The following PDE4C variants were observed in gnomAD, a reference collection of about 807,000 sequenced individuals.
The protein encoded by PDE4C is phosphodiesterase 4C.
PDE4C carries 50 observed loss-of-function variants against 63.9 expected under a neutral mutation model. The observed-to-expected ratio is 0.78, with a 90% CI of 0.62 to 0.99. PDE4C has a LOEUF of 0.99. PDE4C is among the 50% of genes least tolerant of loss of function. The pLI, the probability that PDE4C is intolerant of heterozygous loss-of-function variation, is 0.00. For synonymous variants in PDE4C, 377 were observed against 385.1 expected (o/e 0.98, Z 0.25); for missense variants, 777 against 899.1 (o/e 0.86, Z 1.74).
intron 1 of PDE4C, 41 bp downstream of exon 1, chr19:18,226,229 G>A (rs1317827968): frequency 6.7e-7 from 1 of 1,497,660 alleles, no homozygotes; most frequent in Non-Finnish European, 9.0e-7. Context: ...CTCCACACCG[G>A]GCGTCCCGGT....
chr19:18,219,412 G>A lies in PDE4C; in HGVS notation c.707-15C>T, dbSNP rs200260009. On this transcript the variant is annotated splice_polypyrimidine_tract_variant and intron_variant, in intron 7 of 14. Coordinates refer to ENST00000262805, the Ensembl canonical transcript of PDE4C. ...GGTCTGCTGGTCTGCGGATGGGCCA[G>A]GGTGAAGCTCAGAGAAGCCGATTTC... is the stretch of plus-strand genomic sequence containing the variant. 3.2e-4 allele frequency: 498 copies of A among 1,578,086 alleles called. 1 individual carries two copies. The highest frequency in any genetic ancestry group is 1.2e-4 in the African/African-American group (9 of 74,134).
At chr19:18,239,676 A>G (rs1969006819) in intron 1 of PDE4C, among the ~76,000 whole-genome samples, 1 of 152,072 alleles carries the variant, frequency 6.6e-6, no homozygotes, top group Admixed American at 6.6e-5. Flanking sequence ...GTCTTCCCCT[A>G]CTGTCCTCCT....
chr19:18,215,093 T>C (rs373419952), intron 12 of PDE4C, among the ~76,000 whole-genome samples: 17 of 152,226 alleles, frequency 1.1e-4, no homozygotes, highest in African/African-American at 3.1e-4. Context: ...CCAAATGCTG[T>C]CTCCCCACCC....
At chr19:18,224,263 C>A in intron 1 of PDE4C, 3 of 985,494 alleles carry the variant, frequency 3.0e-6, no homozygotes, top group Non-Finnish European at 3.6e-6. Flanking sequence ...GAAGGGCAGG[C>A]GGAAGCGGCA....
intron 1 of PDE4C, among the ~76,000 whole-genome samples, chr19:18,231,557 G>A (rs1968848147): frequency 6.6e-6 from 1 of 152,162 alleles, no homozygotes; most frequent in Non-Finnish European, 1.5e-5. Flanking sequence ...CAGGCTGGGG[G>A]CGAGAGGCCA....
chr19:18,247,146 CT>C (rs1262583119), intron 1 of PDE4C, among the ~76,000 whole-genome samples: 1 of 152,232 alleles, frequency 6.6e-6, no homozygotes, highest in East Asian at 1.9e-4. Context: ...GAGTCAAAAC[CT>C]TGTGTCCAGG....
chr19:18,218,164 A>G (rs1174232544), exon 11 of PDE4C: 1 of 1,613,782 alleles, frequency 6.2e-7, no homozygotes, highest in Admixed American at 1.7e-5. Context: ...TTAATCAGAA[A>G]CTGGTTGGAG....
chr19:18,222,657 TTCTCTC>T (rs138832810), intron 1 of PDE4C, among the ~76,000 whole-genome samples: 1,064 of 82,398 alleles, frequency 0.013, 31 homozygotes, highest in Admixed American at 0.058. Flanking sequence ...TTCTCGTTCT[TTCTCTC>T]TCTCTCTCTC....
At chr19:18,251,940 CAG>C (rs568336192), upstream of PDE4C, 18 of 397,126 alleles carry the variant, frequency 4.5e-5, no homozygotes, top group Middle Eastern at 6.3e-4. Flanking sequence ...GACAATGGAG[CAG>C]AGACAAGAAG....
intron 1 of PDE4C, among the ~76,000 whole-genome samples, chr19:18,240,994 A>G (rs955388886): frequency 6.6e-6 from 1 of 152,086 alleles, no homozygotes; most frequent in African/African-American, 2.4e-5. Flanking sequence ...CCACGCTCAG[A>G]TCTCATCCTT....
chr19:18,251,676 A>ACCCCCCCCCCCCCCCCCCC (rs1969230557), upstream of PDE4C, among the ~76,000 whole-genome samples: 1 of 23,568 alleles, frequency 4.2e-5, no homozygotes, highest in African/African-American at 1.1e-4. Flanking sequence ...CTCGTGATAC[A>ACCCCCCCCCCCCCCCCCCC]CGCCCCCCCC....
chr19:18,216,322 G>A (rs1214918888), intron 12 of PDE4C, among the ~76,000 whole-genome samples: 3 of 149,904 alleles, frequency 2.0e-5, no homozygotes, highest in East Asian at 2.0e-4. Flanking sequence ...GCAGTGGTGC[G>A]ATCTCAGCTC....
intron 12 of PDE4C, among the ~76,000 whole-genome samples, chr19:18,213,698 G>T (rs1466640736): frequency 1.3e-5 from 2 of 152,364 alleles, no homozygotes; most frequent in South Asian, 2.1e-4. Flanking sequence ...GGTCATCTGG[G>T]TTGGCCATGA....
rs769710762 is a variant in PDE4C, at chr19:18,210,951, G to A, written c.2021C>T (p.Pro674Leu). The change falls in exon 15 of 15, where the codon CCC becomes CTC. Residue 674 changes from proline (P) to leucine (L), a missense_variant. By Grantham distance (98) the Pro-to-Leu change is moderately conservative. Around this residue, in one of 3 missense-constraint regions of PDE4C, gnomAD observed 500 missense variants for 597.8 expected, o/e 0.84. Transcript: ENST00000262805. ...GCCCTAAGTCCTCTGGTTGTCGAGG[G>A]GTAAGTCCCCAGGGTCTGGGCCGGC... 5 of 1,611,820 alleles carry A rather than the reference G, an allele frequency of 3.1e-6. No homozygotes were observed. In the Admixed American group the frequency reaches 5.0e-5, roughly 16 times the overall value.
At chr19:18,233,507 T>C (rs1470250076) in exon 1 of PDE4C, 3 of 619,868 alleles carry the variant, frequency 4.8e-6, no homozygotes, top group African/African-American at 3.6e-5. Flanking sequence ...TGCCGTCCCC[T>C]ATAGCGCTGC....
chr19:18,238,557 T>C (rs1427342334), upstream of PDE4C, among the ~76,000 whole-genome samples: 2 of 151,978 alleles, frequency 1.3e-5, no homozygotes, highest in Non-Finnish European at 2.9e-5. Context: ...TCTCTAAAAA[T>C]AAAAATAAAT....
At chr19:18,242,727 G>T (rs993824695) in intron 1 of PDE4C, among the ~76,000 whole-genome samples, 1 of 149,106 alleles carries the variant, frequency 6.7e-6, no homozygotes, top group Non-Finnish European at 1.5e-5. Flanking sequence ...GGAGGTTTCA[G>T]TGAGCCAAGA....
At chr19:18,215,614 A>AAGC (rs1479594040) in intron 12 of PDE4C, among the ~76,000 whole-genome samples, 2 of 151,848 alleles carry the variant, frequency 1.3e-5, no homozygotes, top group African/African-American at 2.4e-5. Context: ...TCCCGGGTTC[A>AAGC]AATGATTCTC....
intron 1 of PDE4C, among the ~76,000 whole-genome samples, chr19:18,243,936 C>T (rs1449458825): frequency 6.6e-6 from 1 of 152,048 alleles, no homozygotes; most frequent in Non-Finnish European, 1.5e-5. Context: ...CTCACTCCAA[C>T]CTCCAACTCC....
Sources: allele counts gnomAD v4.1 joint callset (sites outside exome capture counted in the v4.1 genomes callset), GRCh38; gene constraint gnomAD v4.1.1; regional missense constraint gnomAD v4.1.1; transcripts MANE v1.5; gene names NCBI Gene and HGNC (gene_info 2026-07-23, HGNC 2026-07-21).